The following RIT2 variants were observed in gnomAD, a reference collection of about 807,000 sequenced individuals.
RIT2 encodes Ras like without CAAX 2, also known as GTP-binding protein Rit2.
A neutral mutation model predicts 23.7 loss-of-function variants in RIT2; 24 were observed. The observed-to-expected ratio is 1.01, with a 90% CI of 0.73 to 1.43. The LOEUF (loss-of-function observed/expected upper bound fraction) is 1.43. Among genes scored for constraint, RIT2 ranks in the 40% most tolerant of loss-of-function variants. The probability of loss-of-function intolerance (pLI) is 0.00; values close to 1 mark genes in which losing one functional copy is unlikely to be tolerated. For missense variants in RIT2, 236 were observed against 266.9 expected (o/e 0.88, Z 0.81); for synonymous variants, 107 against 91.1 (o/e 1.17, Z -0.99).
intron 2 of RIT2, among the ~76,000 whole-genome samples, chr18:43,014,419 T>A (rs77490236): frequency 6.6e-6 from 1 of 151,696 alleles, no homozygotes; most frequent in African/African-American, 2.4e-5. Flanking sequence ...ACTACCCTTT[T>A]TTTTCTCCTG....
intron 2 of RIT2, among the ~76,000 whole-genome samples, chr18:43,009,632 A>G (rs1351041889): frequency 2.6e-5 from 4 of 151,688 alleles, no homozygotes; most frequent in African/African-American, 9.7e-5. Context: ...AGACAATTTC[A>G]GAAATGCTTT....
chr18:43,029,171 T>G (rs1911798956), intron 2 of RIT2, among the ~76,000 whole-genome samples: 1 of 152,052 alleles, frequency 6.6e-6, no homozygotes, highest in Admixed American at 6.6e-5. Context: ...GTTACAGTCC[T>G]TATCGATTGC....
At chr18:43,021,848 C>T (rs935992389) in intron 2 of RIT2, among the ~76,000 whole-genome samples, 3 of 151,998 alleles carry the variant, frequency 2.0e-5, no homozygotes, top group African/African-American at 7.2e-5. Flanking sequence ...TTTTTTATAG[C>T]AATGCAAGAA....
intron 4 of RIT2, among the ~76,000 whole-genome samples, chr18:42,849,945 A>G (rs1907005810): frequency 6.6e-6 from 1 of 152,158 alleles, no homozygotes; most frequent in Non-Finnish European, 1.5e-5. Context: ...GATAAACTCT[A>G]AGTTTCCCTT....
intron 1 of RIT2, among the ~76,000 whole-genome samples, chr18:43,072,773 G>A (rs565795521): frequency 1.3e-5 from 2 of 152,198 alleles, no homozygotes; most frequent in East Asian, 1.9e-4. Context: ...ATCTTGCAAG[G>A]TTGTAACTAA....
intron 4 of RIT2, among the ~76,000 whole-genome samples, chr18:42,917,682 A>G (rs1908947979): frequency 6.6e-6 from 1 of 152,142 alleles, no homozygotes. Context: ...AATAAAATCC[A>G]AACTCTTACC....
chr18:42,908,861 A>G (rs968623330), intron 4 of RIT2, among the ~76,000 whole-genome samples: 3 of 152,180 alleles, frequency 2.0e-5, no homozygotes, highest in Non-Finnish European at 2.9e-5. Context: ...AAAAACCACA[A>G]TTACTTTTGT....
At chr18:43,057,348 A>C (rs2144317480) in intron 1 of RIT2, among the ~76,000 whole-genome samples, 1 of 152,300 alleles carries the variant, frequency 6.6e-6, no homozygotes, top group South Asian at 2.1e-4. Flanking sequence ...ACTATATATA[A>C]AATGAGTTAT....
chr18:43,086,683 T>C (rs1288991520), intron 1 of RIT2, among the ~76,000 whole-genome samples: 2 of 151,796 alleles, frequency 1.3e-5, no homozygotes, highest in Non-Finnish European at 1.5e-5. Context: ...ACCAGTGAAA[T>C]AAAGCATGCA....
intron 3 of RIT2, among the ~76,000 whole-genome samples, chr18:42,964,587 C>T (rs1910168348): frequency 1.3e-5 from 2 of 152,094 alleles, no homozygotes; most frequent in South Asian, 4.1e-4. Flanking sequence ...CACTACTGAG[C>T]CAGACGAAGG....
chr18:43,060,916 A>C (rs889192317), intron 1 of RIT2, among the ~76,000 whole-genome samples: 2 of 152,116 alleles, frequency 1.3e-5, no homozygotes, highest in Non-Finnish European at 2.9e-5. Context: ...AGTAGAGAGC[A>C]GATACCCCGT....
At chr18:42,795,485 A>C (rs1905316775) in intron 4 of RIT2, among the ~76,000 whole-genome samples, 1 of 152,208 alleles carries the variant, frequency 6.6e-6, no homozygotes, top group Non-Finnish European at 1.5e-5. Flanking sequence ...AGGGCTCGGG[A>C]CCGGCAGCCC....
chr18:42,795,614 C>T (rs572011500), intron 4 of RIT2, among the ~76,000 whole-genome samples: 76 of 152,364 alleles, frequency 5.0e-4, no homozygotes, highest in Non-Finnish European at 9.8e-4. Flanking sequence ...CTGAGAACTG[C>T]GGGCGCGGCA....
At chr18:42,858,368 C>T (rs1907241797) in intron 4 of RIT2, among the ~76,000 whole-genome samples, 1 of 152,072 alleles carries the variant, frequency 6.6e-6, no homozygotes, top group African/African-American at 2.4e-5. Flanking sequence ...TCCCAGTGAG[C>T]CCCAATAGCA....
chr18:42,884,709 C>T (rs1224755675), intron 4 of RIT2, among the ~76,000 whole-genome samples: 4 of 152,086 alleles, frequency 2.6e-5, no homozygotes, highest in South Asian at 2.1e-4. Flanking sequence ...AAAATGCTAC[C>T]TGACAAGCAT....
Position 42,802,412 on chromosome 18 carries a change from T to G in RIT2, c.427-58692A>C, listed in dbSNP as rs573072237. ...AGAAAGTCAGAAATTGCACTGTTCT[T>G]GGCCCTGATAAGATAACATCTGTAG... On this transcript the variant is annotated intron_variant, in intron 4 of 4. Transcript: ENST00000326695. Among the ~76,000 whole-genome samples the G allele has an allele frequency of 3.9e-5, 6 of 152,300 alleles. No homozygotes were observed. In the South Asian group the frequency reaches 1.2e-3, roughly 32 times the overall value.
At chr18:43,109,344 C>A (rs1487778397) in intron 1 of RIT2, among the ~76,000 whole-genome samples, 1 of 152,074 alleles carries the variant, frequency 6.6e-6, no homozygotes, top group Non-Finnish European at 1.5e-5. Flanking sequence ...TGTTGTGTAA[C>A]TTTTTCACAG....
At chr18:42,863,496 C>T (rs1907385403) in intron 4 of RIT2, among the ~76,000 whole-genome samples, 1 of 152,152 alleles carries the variant, frequency 6.6e-6, no homozygotes, top group Admixed American at 6.5e-5. Context: ...TCTCCCACTA[C>T]ACCTTTCCTG....
intron 2 of RIT2, among the ~76,000 whole-genome samples, chr18:42,975,128 T>C (rs933595709): frequency 1.7e-4 from 26 of 152,036 alleles, no homozygotes; most frequent in African/African-American, 5.6e-4. Context: ...GCATCTGCTA[T>C]TTTTTTGACT....
Sources: allele counts gnomAD v4.1 joint callset (sites outside exome capture counted in the v4.1 genomes callset), GRCh38; gene constraint gnomAD v4.1.1; transcripts MANE v1.5; gene names NCBI Gene and HGNC (gene_info 2026-07-23, HGNC 2026-07-21).